The following SCARA5 variants were observed in gnomAD, a reference collection of about 807,000 sequenced individuals.
SCARA5 encodes scavenger receptor class A member 5.
A neutral mutation model predicts 46.3 loss-of-function variants in SCARA5; 45 were observed. The ratio of observed to expected loss-of-function variants is 0.97; its 90% CI spans 0.76 to 1.24. The LOEUF (loss-of-function observed/expected upper bound fraction) is 1.24. Ranked by LOEUF, SCARA5 falls within the 50% of genes most tolerant of loss-of-function variation. SCARA5 has a pLI of 0.00. For synonymous variants in SCARA5, 333 were observed against 306.5 expected, an observed-to-expected ratio of 1.09 and a Z score of -0.90; for missense variants, 680 against 689.0, an observed-to-expected ratio of 0.99 and a Z score of 0.15.
In SCARA5 at chr8:27,871,959, G is replaced by T. The variant is rs761056786; in HGVS notation, c.1463C>A (p.Ala488Asp). 6.2e-6 allele frequency: 10 copies of T among 1,614,098 alleles called. No homozygotes were observed. Among genetic ancestry groups the T allele is most frequent in the South Asian group, 1.1e-5 (1 of 91,086 alleles). ...TCAGTGTCTGTTGCATGTCACGCTG[G>T]CATCTTCGGCATGTCCACAGTTTGT... ...GVTNCGHAED[A>D]SVTCNRH The change falls in exon 9 of 9, where the codon GCC becomes GAC. Residue 488 changes from alanine (A) to aspartate (D), a missense_variant. Ala to Asp is a moderately radical substitution (Grantham distance 126). Coordinates refer to ENST00000354914, the MANE Select transcript of SCARA5 (RefSeq NM_173833.6).
At chr8:27,966,677 T>A in intron 2 of SCARA5, 135 bp from the exon 3 acceptor site, 1 of 946,308 alleles carries the variant, frequency 1.1e-6, no homozygotes, top group Non-Finnish European at 1.5e-6. Flanking sequence ...TTTGCATGTC[T>A]AGAATGCAGC....
chr8:27,900,515 T>C (rs573046343), intron 7 of SCARA5, among the ~76,000 whole-genome samples: 1 of 152,358 alleles, frequency 6.6e-6, no homozygotes, highest in East Asian at 1.9e-4. Flanking sequence ...TCAAGTGCTC[T>C]AAGCCATGAA....
chr8:27,944,556 A>T (rs1239295189), intron 3 of SCARA5, among the ~76,000 whole-genome samples: 1 of 152,180 alleles, frequency 6.6e-6, no homozygotes, highest in African/African-American at 2.4e-5. Flanking sequence ...TAGGTTTAAC[A>T]TTTTTTAAAA....
chr8:27,990,836 C>T (rs915893555), intron 1 of SCARA5, among the ~76,000 whole-genome samples: 3 of 152,228 alleles, frequency 2.0e-5, no homozygotes, highest in African/African-American at 7.2e-5. Context: ...GAGACTGGAC[C>T]TCAACTTGCA....
intron 8 of SCARA5, among the ~76,000 whole-genome samples, chr8:27,873,508 C>T (rs1806673048): frequency 6.6e-6 from 1 of 152,068 alleles, no homozygotes; most frequent in Non-Finnish European, 1.5e-5. Flanking sequence ...AATTCCTTCT[C>T]CTGGCTCAAA....
intron 2 of SCARA5, among the ~76,000 whole-genome samples, chr8:27,974,694 A>T (rs915642067): frequency 3.0e-5 from 3 of 100,762 alleles, no homozygotes; most frequent in Non-Finnish European, 4.3e-5. Context: ...AGGCAGCCAC[A>T]AATAACCTGT....
chr8:27,989,144 T>C (rs1478569318), intron 1 of SCARA5, among the ~76,000 whole-genome samples: 3 of 137,016 alleles, frequency 2.2e-5, no homozygotes, highest in Admixed American at 7.1e-5. Context: ...TTTTTTTTTT[T>C]TTTTTTTTTG....
At chr8:27,949,590 C>T (rs2129895963) in intron 3 of SCARA5, among the ~76,000 whole-genome samples, 1 of 152,332 alleles carries the variant, frequency 6.6e-6, no homozygotes, top group South Asian at 2.1e-4. Flanking sequence ...ACTGTTGCCG[C>T]ATAACTCAGC....
chr8:27,991,863 A>ATG (rs1563204129), intron 1 of SCARA5, among the ~76,000 whole-genome samples: 21 of 145,942 alleles, frequency 1.4e-4, no homozygotes, highest in African/African-American at 5.8e-4. Context: ...ACACACATGC[A>ATG]CACACACACA....
intron 7 of SCARA5, among the ~76,000 whole-genome samples, chr8:27,884,355 G>A (rs1487173107): frequency 6.6e-6 from 1 of 152,238 alleles, no homozygotes; most frequent in African/African-American, 2.4e-5. Flanking sequence ...AAACTCCCCG[G>A]GAGCAGTAAG....
chr8:27,965,719 A>G (rs901494411), intron 3 of SCARA5, among the ~76,000 whole-genome samples: 1 of 152,226 alleles, frequency 6.6e-6, no homozygotes, highest in Non-Finnish European at 1.5e-5. Context: ...AAAGGTGGGA[A>G]CTGAGCAGCC....
rs1426501392 is a variant in SCARA5 at position 27,915,318 on chromosome 8, C to T, written c.917-5575G>A. 3.9e-5 allele frequency among the ~76,000 whole-genome samples: 6 copies of T among 152,184 alleles called. No individual in the cohort carries two copies. In the East Asian group the frequency reaches 5.8e-4, roughly 15 times the overall value. On this transcript the variant is annotated intron_variant, in intron 4 of 8. Transcript: ENST00000354914. ...TGGGACTGCCCTTGCTACCGTCCTC[C>T]GAGCCCCCAATGGAGGGTGGTGGGC...
intron 4 of SCARA5, among the ~76,000 whole-genome samples, chr8:27,919,109 GAGGAGGAGAAGGAAGAAA>G (rs1208152735): frequency 1.3e-5 from 2 of 150,374 alleles, no homozygotes; most frequent in African/African-American, 4.9e-5. Flanking sequence ...GGAAGAGGAG[GAGGAGGAGAAGGAAGAAA>G]AGGAGGAGAA....
intron 3 of SCARA5, among the ~76,000 whole-genome samples, chr8:27,924,053 C>G (rs1002331587): frequency 3.9e-5 from 6 of 152,250 alleles, no homozygotes; most frequent in Non-Finnish European, 8.8e-5. Flanking sequence ...CCTGGGAGGT[C>G]GTGGACTGTT....
chr8:27,921,550 G>A (rs1432590971), intron 4 of SCARA5, 21 bp downstream of exon 4: 13 of 1,524,686 alleles, frequency 8.5e-6, no homozygotes, highest in Non-Finnish European at 8.8e-6. Context: ...GTGGGTGGAG[G>A]CAGCAAGGGC....
chr8:27,981,965 A>G (rs1358750155), intron 2 of SCARA5, among the ~76,000 whole-genome samples: 5 of 152,168 alleles, frequency 3.3e-5, no homozygotes. Flanking sequence ...AGCAGCCCTC[A>G]GCTGCGCCAA....
chr8:27,910,563 G>C (rs1249701177), intron 4 of SCARA5, among the ~76,000 whole-genome samples: 1 of 152,132 alleles, frequency 6.6e-6, no homozygotes, highest in Non-Finnish European at 1.5e-5. Flanking sequence ...AACCAGATCT[G>C]CACATGAGGA....
At chr8:27,872,140 C>T (rs1289599314) in intron 8 of SCARA5, 70 bp from the exon 9 acceptor site, 1 of 1,550,734 alleles carries the variant, frequency 6.4e-7, no homozygotes, top group Non-Finnish European at 8.9e-7. Context: ...GAGAGCATAA[C>T]TGTGCCTGCC....
chr8:27,941,680 C>A (rs1213064520), intron 3 of SCARA5, among the ~76,000 whole-genome samples: 1 of 151,944 alleles, frequency 6.6e-6, no homozygotes. Context: ...GATTTGTAGG[C>A]ATTAATATTT....
Sources: gnomAD v4.1 joint callset for allele counts (sites outside exome capture counted in the v4.1 genomes callset) on GRCh38, gnomAD v4.1.1 for gene constraint, MANE v1.5 for transcripts, NCBI Gene and HGNC (gene_info 2026-07-23, HGNC 2026-07-21) for gene names.